The following DYNC2H1 variants were observed in gnomAD, a reference collection of about 807,000 sequenced individuals.
DYNC2H1 encodes the protein cytoplasmic dynein 2 heavy chain 1.
DYNC2H1 carries 410 observed loss-of-function variants against 570.0 expected under a neutral mutation model. That is an observed-to-expected ratio of 0.72 (90% CI 0.66 to 0.78). The LOEUF (loss-of-function observed/expected upper bound fraction) is 0.78, where lower values mean the gene tolerates loss of function less well. Among genes scored for constraint, DYNC2H1 ranks in the 30% least tolerant of loss-of-function variants. The probability of loss-of-function intolerance (pLI) is 0.00; values close to 1 mark genes in which losing one functional copy is unlikely to be tolerated. For synonymous variants in DYNC2H1, 1,688 were observed against 1,677.6 expected, an observed-to-expected ratio of 1.01 and a Z score of -0.15; for missense variants, 4,865 against 5,046.4, an observed-to-expected ratio of 0.96 and a Z score of 1.09.
intron 82 of DYNC2H1, among the ~76,000 whole-genome samples, chr11:103,328,617 T>C (rs1041341913): frequency 6.6e-6 from 1 of 152,216 alleles, no homozygotes; most frequent in African/African-American, 2.4e-5. Context: ...GTATAACCAA[T>C]TTTGTACAAA....
At position 103,157,322 on chromosome 11, in the gene DYNC2H1, C is replaced by T. The variant is rs1462934237; in HGVS notation, c.4127+552C>T. On this transcript the variant is annotated intron_variant, in intron 26 of 88. Coordinates refer to ENST00000375735, the MANE Select transcript of DYNC2H1 (RefSeq NM_001377.3). This position sits in a 1 kb window ranked among gnomAD's most constrained non-coding sequence, Gnocchi z 4.2. Reference sequence around the variant, plus strand: ...GTTCTCTTTTATATGCTGAGGTCTCCTCAACTTACATGTACAGCCCATATT... The same window carrying T: ...GTTCTCTTTTATATGCTGAGGTCTCTTCAACTTACATGTACAGCCCATATT... Among the ~76,000 whole-genome samples the T allele has an allele frequency of 6.6e-6, 1 of 152,202 alleles. No individual in the cohort carries two copies. The highest frequency in any genetic ancestry group is 1.5e-5 in the Non-Finnish European group (1 of 68,040).
intron 57 of DYNC2H1, 116 bp from the exon 58 acceptor site, chr11:103,221,914 A>G (rs1863603272): frequency 8.5e-6 from 9 of 1,053,526 alleles, no homozygotes; most frequent in Non-Finnish European, 1.2e-5. Flanking sequence ...TTAATACCAT[A>G]TTTTTGTTAA....
rs1222542957 is a variant in DYNC2H1 at position 103,181,614 on chromosome 11, A to G, written c.6348-143A>G. The G allele has an allele frequency of 2.7e-6, 2 of 736,128 alleles. No individual in the cohort carries two copies. Among genetic ancestry groups the G allele is most frequent in the Non-Finnish European group, 4.3e-6 (2 of 460,882 alleles). The allele number at this position is 736,128 out of a possible 1,614,324, so 45.6% of individuals were successfully genotyped here. Reference sequence around the variant, plus strand: ...GTAATTGTATTATTCACACATACTCATAGTAAAGTAACTAAAGCCACCTTT... The same window carrying G: ...GTAATTGTATTATTCACACATACTCGTAGTAAAGTAACTAAAGCCACCTTT... On this transcript the variant is annotated intron_variant, in intron 39 of 88. Coordinates refer to ENST00000375735, the MANE Select transcript of DYNC2H1 (RefSeq NM_001377.3). The surrounding 1 kb of genome is among the most constrained non-coding windows in gnomAD (Gnocchi z 5.0).
intron 82 of DYNC2H1, among the ~76,000 whole-genome samples, chr11:103,340,593 C>T (rs1344800633): frequency 1.3e-5 from 2 of 152,046 alleles, no homozygotes; most frequent in Admixed American, 6.6e-5. Context: ...CAGTATTATT[C>T]AAAGGCCTGT....
At position 103,142,484 on chromosome 11, in the gene DYNC2H1, A is replaced by T. The variant is rs148442428; in HGVS notation, c.2575-784A>T. Reference sequence around the variant, plus strand: ...CAGGAGTTTGAGACCAGCCTCGTCAACATGGCGAAACATCATCTTTATTAA... The same window carrying T: ...CAGGAGTTTGAGACCAGCCTCGTCATCATGGCGAAACATCATCTTTATTAA... On this transcript the variant is annotated intron_variant, in intron 17 of 88. Transcript: ENST00000375735. Among the ~76,000 whole-genome samples the T allele has an allele frequency of 3.7e-3, 564 of 152,236 alleles. 4 individuals are homozygous for T. The highest frequency in any genetic ancestry group is 0.013 in the African/African-American group (526 of 41,552).
intron 17 of DYNC2H1, among the ~76,000 whole-genome samples, chr11:103,142,098 A>G (rs1859975323): frequency 6.6e-6 from 1 of 152,246 alleles, no homozygotes; most frequent in Non-Finnish European, 1.5e-5. Context: ...CCGATTTTCC[A>G]GGTGCCGTCT....
At chr11:103,426,076 G>T (rs564514097) in intron 84 of DYNC2H1, among the ~76,000 whole-genome samples, 1 of 150,594 alleles carries the variant, frequency 6.6e-6, no homozygotes, top group Non-Finnish European at 1.5e-5. Flanking sequence ...GGCTTAAGGC[G>T]TTCCTAAACC....
intron 83 of DYNC2H1, among the ~76,000 whole-genome samples, chr11:103,380,440 T>C (rs888206852): frequency 6.6e-6 from 1 of 152,160 alleles, no homozygotes; most frequent in Non-Finnish European, 1.5e-5. Context: ...ATTATACCAA[T>C]ACACACACAA....
chr11:103,153,476 T>G lies in DYNC2H1; in HGVS notation c.3270T>G (p.Phe1090Leu). Residue 1090 changes from phenylalanine to leucine, a missense_variant, in exon 22 of 89, where the codon TTT becomes TTG. Phe to Leu is a conservative substitution (Grantham distance 22, BLOSUM62 0). This residue lies in a region of DYNC2H1 where 1,936 missense variants were observed against 1,962.1 expected (regional missense o/e 0.99). Transcript: ENST00000375735. The stretch of plus-strand genomic sequence containing the variant: ...TAATAAAAGAGAAAAAAATTGAGTT[T>G]GATGATCTTGAAGTCACAAGAAAAA... ...AKLIKEKKIE[F>L]DDLEVTRKKL... is the part of the protein sequence containing the mutation. 1 of 1,567,086 alleles carries G rather than the reference T, an allele frequency of 6.4e-7. No homozygotes were observed. Among genetic ancestry groups the G allele is most frequent in the Non-Finnish European group, 8.6e-7 (1 of 1,158,036 alleles).
chr11:103,171,684 TA>T (rs896934294), intron 34 of DYNC2H1, among the ~76,000 whole-genome samples: 1 of 152,232 alleles, frequency 6.6e-6, no homozygotes, highest in African/African-American at 2.4e-5. Flanking sequence ...TCTCATTTAA[TA>T]ATTACCACAA....
In DYNC2H1 at chr11:103,461,480, A is replaced by C. The variant is rs1945009116; in HGVS notation, c.12648+5124A>C. Among the ~76,000 whole-genome samples, 1 of 152,156 alleles carries C rather than the reference A, an allele frequency of 6.6e-6. No homozygotes were observed. Among genetic ancestry groups the C allele is most frequent in the Admixed American group, 6.5e-5 (1 of 15,274 alleles). The stretch of plus-strand genomic sequence containing the variant: ...TGCCATTATTGATCTATTATGTGTT[A>C]AATAGTACTTGAAAACTTGATATTG... On this transcript the variant is annotated intron_variant, in intron 87 of 88. Transcript: ENST00000375735. The surrounding 1 kb of genome is among the most constrained non-coding windows in gnomAD (Gnocchi z 4.8).
At chr11:103,155,308 T>C in intron 24 of DYNC2H1, 23 bp from the exon 25 acceptor site, 1 of 1,489,080 alleles carries the variant, frequency 6.7e-7, no homozygotes, top group Non-Finnish European at 8.9e-7. Context: ...CATATGACTT[T>C]TTCTTTTTTT....
chr11:103,151,985 C>A lies in DYNC2H1; in HGVS notation c.2947-151C>A, dbSNP rs1860569660. 2.3e-6 allele frequency: 2 copies of A among 870,892 alleles called. No homozygotes were observed. The highest frequency in any genetic ancestry group is 3.3e-6 in the Non-Finnish European group (2 of 608,128). The allele number at this position is 870,892 out of a possible 1,614,324, so 53.9% of individuals were successfully genotyped here. On this transcript the variant is annotated intron_variant, in intron 20 of 88. Transcript: ENST00000375735. This position sits in a 1 kb window ranked among gnomAD's most constrained non-coding sequence, Gnocchi z 4.6. ...ATCCAGGAATTTTTTTCTGCCAAAT[C>A]AGAATATATAGGAATTTAACAAACT...
chr11:103,141,437 T>C (rs1050743932), intron 17 of DYNC2H1, among the ~76,000 whole-genome samples: 1 of 152,226 alleles, frequency 6.6e-6, no homozygotes, highest in Non-Finnish European at 1.5e-5. Context: ...GACCCTCAAC[T>C]GTAGGTCTGT....
chr11:103,321,360 G>A, intron 81 of DYNC2H1, 123 bp downstream of exon 81: 1 of 1,070,262 alleles, frequency 9.3e-7, no homozygotes, highest in Non-Finnish European at 1.4e-6. Flanking sequence ...TGGATTATTT[G>A]TTATGACAAT....
At chr11:103,117,506 T>C in intron 5 of DYNC2H1, 125 bp from the exon 6 acceptor site, 1 of 703,634 alleles carries the variant, frequency 1.4e-6, no homozygotes, top group Non-Finnish European at 2.2e-6. Flanking sequence ...ATGCATGTGG[T>C]ATTTCATAGA....
chr11:103,442,797 C>T (rs1565603333), intron 85 of DYNC2H1, among the ~76,000 whole-genome samples: 3 of 152,002 alleles, frequency 2.0e-5, no homozygotes, highest in Non-Finnish European at 4.4e-5. Flanking sequence ...ATCTTTACAG[C>T]AGAAAACATG....
Position 103,326,165 on chromosome 11 carries a change from A to G in DYNC2H1, c.12039+2175A>G, listed in dbSNP as rs1938461078. On this transcript the variant is annotated intron_variant, in intron 82 of 88. Transcript: ENST00000375735. The surrounding 1 kb of genome is among the most constrained non-coding windows in gnomAD (Gnocchi z 6.1). Reference sequence around the variant, plus strand: ...GGCGCTTAGGAGTAGTGGCTGGTAGATAGGCTCTTACTTAGCCCTGTGGTT... The same window carrying G: ...GGCGCTTAGGAGTAGTGGCTGGTAGGTAGGCTCTTACTTAGCCCTGTGGTT... 6.6e-6 allele frequency among the ~76,000 whole-genome samples: 1 copy of G among 151,810 alleles called. No individual in the cohort carries two copies. The highest frequency in any genetic ancestry group is 1.5e-5 in the Non-Finnish European group (1 of 67,996).
Position 103,456,324 on chromosome 11 carries a change from G to T in DYNC2H1, c.12616G>T (p.Gly4206Cys), listed in dbSNP as rs765842383. ...CCTTAAATTTGTAGCCTCATGGAAA[G>T]GTCGACTGCAAGAAGCAAAGCTACA... ...DSLKFVASWK[G>C]RLQEAKLQIK... The change falls in exon 87 of 89, where the codon GGT becomes TGT. Residue 4206 changes from glycine (G) to cysteine (C), a missense_variant. Gly to Cys is a radical substitution (Grantham distance 159, BLOSUM62 -3). Transcript: ENST00000375735. 1.2e-6 allele frequency: 2 copies of T among 1,608,030 alleles called. No individual in the cohort carries two copies. The highest frequency in any genetic ancestry group is 4.5e-5 in the East Asian group (2 of 44,738).
Sources: gnomAD v4.1 joint callset for allele counts (sites outside exome capture counted in the v4.1 genomes callset) on GRCh38, gnomAD v4.1.1 for gene constraint, gnomAD v4.1.1 regional missense constraint, Gnocchi (gnomAD v3.1) non-coding constraint, MANE v1.5 for transcripts, NCBI Gene and HGNC (gene_info 2026-07-23, HGNC 2026-07-21) for gene names.